LRRC4C: variants seen among roughly 807,000 people sequenced by gnomAD.
The protein encoded by LRRC4C is leucine-rich repeat-containing protein 4C.
Under a neutral mutation model 33.6 loss-of-function variants are expected in LRRC4C, and 5 were observed. That is an observed-to-expected ratio of 0.15 (90% confidence interval 0.08 to 0.31). The LOEUF is 0.31. LRRC4C is among the 10% of genes least tolerant of loss of function. The pLI is 1.00. For synonymous variants in LRRC4C, 329 were observed against 302.0 expected, an observed-to-expected ratio of 1.09 and a Z score of -0.93; for missense variants, 560 against 796.7, an observed-to-expected ratio of 0.70 and a Z score of 3.58.
chr11:40,338,093 G>C (rs537864017), intron 3 of LRRC4C, among the ~76,000 whole-genome samples: 1 of 152,170 alleles, frequency 6.6e-6, no homozygotes, highest in Admixed American at 6.5e-5. Flanking sequence ...TTCTGTGATC[G>C]ATACTTTCTA....
chr11:41,310,712 C>T (rs2137176757), intron 1 of LRRC4C, among the ~76,000 whole-genome samples: 1 of 152,062 alleles, frequency 6.6e-6, no homozygotes, highest in South Asian at 2.1e-4. Flanking sequence ...AGCAACCAGT[C>T]TAAAAAACCA....
intron 2 of LRRC4C, among the ~76,000 whole-genome samples, chr11:40,672,268 G>T (rs1016441436): frequency 3.3e-5 from 5 of 151,934 alleles, no homozygotes; most frequent in Non-Finnish European, 7.4e-5. Flanking sequence ...TCTCTCTTGG[G>T]CCTCTTTTAT....
At chr11:40,336,691 CAG>C (rs1343057338) in intron 3 of LRRC4C, among the ~76,000 whole-genome samples, 1 of 152,012 alleles carries the variant, frequency 6.6e-6, no homozygotes, top group African/African-American at 2.4e-5. Context: ...AAGAGCGAAT[CAG>C]GGGCTGGGCA....
chr11:41,204,890 T>C (rs1946536662), intron 1 of LRRC4C, among the ~76,000 whole-genome samples: 1 of 152,126 alleles, frequency 6.6e-6, no homozygotes, highest in South Asian at 2.1e-4. Flanking sequence ...AGGTTTGACA[T>C]GTATTAAAGG....
intron 1 of LRRC4C, among the ~76,000 whole-genome samples, chr11:41,002,246 T>C (rs527250049): frequency 2.3e-4 from 35 of 152,298 alleles, no homozygotes; most frequent in African/African-American, 7.7e-4. Flanking sequence ...CATAAACTTA[T>C]ATTGAGAAGT....
chr11:40,959,877 A>G (rs1199975338), intron 1 of LRRC4C, among the ~76,000 whole-genome samples: 1 of 151,752 alleles, frequency 6.6e-6, no homozygotes, highest in Non-Finnish European at 1.5e-5. Context: ...TTGTATTATC[A>G]ACATTTGAGG....
At chr11:40,190,518 T>C (rs1005129515) in intron 5 of LRRC4C, among the ~76,000 whole-genome samples, 4 of 152,204 alleles carry the variant, frequency 2.6e-5, no homozygotes, top group Non-Finnish European at 4.4e-5. Flanking sequence ...CACTGCTGAA[T>C]TCTAGATATG....
chr11:41,001,160 T>C (rs17505163), intron 1 of LRRC4C, among the ~76,000 whole-genome samples: 2,967 of 152,198 alleles, frequency 0.019, 59 homozygotes, highest in Admixed American at 0.053. Flanking sequence ...ATTGGTAATA[T>C]TGACACTCTG....
At chr11:40,427,406 C>T (rs900321211) in intron 3 of LRRC4C, among the ~76,000 whole-genome samples, 1 of 152,170 alleles carries the variant, frequency 6.6e-6, no homozygotes, top group Non-Finnish European at 1.5e-5. Context: ...ACTCAGGAGG[C>T]TGAGGCAGGA....
chr11:40,351,640 C>G (rs185204382), intron 3 of LRRC4C: 13 of 152,096 alleles, frequency 8.5e-5, no homozygotes, highest in African/African-American at 2.6e-4. Context: ...TACTCTTCCC[C>G]CCTTTCTCAC....
chr11:41,014,423 A>G (rs918609728), intron 1 of LRRC4C, among the ~76,000 whole-genome samples: 5 of 151,778 alleles, frequency 3.3e-5, no homozygotes, highest in South Asian at 2.1e-4. Context: ...GAAGCAATAA[A>G]TGGTACCAAG....
chr11:40,766,977 G>A (rs1303180337), intron 2 of LRRC4C, among the ~76,000 whole-genome samples: 1 of 151,758 alleles, frequency 6.6e-6, no homozygotes, highest in Non-Finnish European at 1.5e-5. Context: ...ACCAATTATA[G>A]CATTGAATGT....
At chr11:40,172,168 C>T (rs776257238) in intron 5 of LRRC4C, among the ~76,000 whole-genome samples, 1 of 152,144 alleles carries the variant, frequency 6.6e-6, no homozygotes, top group Non-Finnish European at 1.5e-5. Context: ...ATAGTCCTCA[C>T]CAGACACAAC....
At chr11:41,191,414 C>T (rs1361304860) in intron 1 of LRRC4C, among the ~76,000 whole-genome samples, 1 of 152,142 alleles carries the variant, frequency 6.6e-6, no homozygotes, top group African/African-American at 2.4e-5. Context: ...CTTTTCCCTT[C>T]AACTACCAAT....
chr11:40,899,216 T>C (rs1428552704), intron 2 of LRRC4C, among the ~76,000 whole-genome samples: 1 of 152,176 alleles, frequency 6.6e-6, no homozygotes, highest in East Asian at 1.9e-4. Flanking sequence ...AGATGTGTCC[T>C]CAAATCAGTT....
At chr11:41,431,270 T>C (rs1373834889) in intron 1 of LRRC4C, among the ~76,000 whole-genome samples, 2 of 151,930 alleles carry the variant, frequency 1.3e-5, no homozygotes, top group Non-Finnish European at 2.9e-5. Flanking sequence ...AAATAAAATC[T>C]TGCAGTCACA....
chr11:40,482,856 C>G (rs1247627672), intron 3 of LRRC4C, among the ~76,000 whole-genome samples: 1 of 152,078 alleles, frequency 6.6e-6, no homozygotes, highest in African/African-American at 2.4e-5. Flanking sequence ...AAACAAAGAC[C>G]TCTGTTTTAT....
intron 5 of LRRC4C, among the ~76,000 whole-genome samples, chr11:40,211,448 C>A (rs377129035): frequency 6.6e-6 from 1 of 152,114 alleles, no homozygotes; most frequent in African/African-American, 2.4e-5. Context: ...TAATTGTAAA[C>A]AGACTTCAAG....
chr11:41,191,402 CTCTT>C (rs1945940610), intron 1 of LRRC4C, among the ~76,000 whole-genome samples: 1 of 152,194 alleles, frequency 6.6e-6, no homozygotes, highest in African/African-American at 2.4e-5. Context: ...ATTAAAGTCA[CTCTT>C]TTCCCTTCAA....
Sources: gnomAD v4.1 joint callset for allele counts (sites outside exome capture counted in the v4.1 genomes callset) on GRCh38, gnomAD v4.1.1 for gene constraint, MANE v1.5 for transcripts, NCBI Gene and HGNC (gene_info 2026-07-23, HGNC 2026-07-21) for gene names.